Variants in UNC79 observed in about 807,000 individuals in gnomAD.
UNC79 encodes unc-79 subunit of NALCN channel complex.
In UNC79, 37 loss-of-function variants were observed where a neutral mutation model predicts 283.1. The observed-to-expected ratio is 0.13, with a 90% CI of 0.10 to 0.17. The LOEUF (loss-of-function observed/expected upper bound fraction) is 0.17. UNC79 is among the 10% of genes least tolerant of loss of function. UNC79 has a pLI of 1.00. For missense variants in UNC79, 2,272 were observed against 3,211.1 expected (o/e 0.71, Z 7.07); for synonymous variants, 1,107 against 1,200.2 (o/e 0.92, Z 1.61).
At chr14:93,554,570 G>A (rs1240937305) in intron 14 of UNC79, among the ~76,000 whole-genome samples, 1 of 152,048 alleles carries the variant, frequency 6.6e-6, no homozygotes, top group African/African-American at 2.4e-5. Context: ...GCAGATAAAT[G>A]CTCCAGGAAA....
intron 1 of UNC79, among the ~76,000 whole-genome samples, chr14:93,464,308 T>A (rs907961209): frequency 6.6e-6 from 1 of 152,184 alleles, no homozygotes; most frequent in Non-Finnish European, 1.5e-5. Context: ...TGTTGGCAGG[T>A]TTGGTTTCTC....
chr14:93,592,602 AC>A (rs1192094934), intron 22 of UNC79, among the ~76,000 whole-genome samples: 1 of 152,176 alleles, frequency 6.6e-6, no homozygotes, highest in Non-Finnish European at 1.5e-5. Context: ...GTATAAGTGG[AC>A]CTGTACAGTT....
At chr14:93,522,577 CTT>C (rs1012782053) in intron 7 of UNC79, among the ~76,000 whole-genome samples, 1 of 152,086 alleles carries the variant, frequency 6.6e-6, no homozygotes. Context: ...TGTTACAACT[CTT>C]TATATTCAGC....
At chr14:93,623,216 G>T (rs1254563683) in intron 30 of UNC79, among the ~76,000 whole-genome samples, 1 of 152,118 alleles carries the variant, frequency 6.6e-6, no homozygotes, top group Non-Finnish European at 1.5e-5. Flanking sequence ...CCCTGTACTA[G>T]TGAGCTATGA....
At chr14:93,405,374 A>G (rs1327784481) in intron 1 of UNC79, among the ~76,000 whole-genome samples, 2 of 152,176 alleles carry the variant, frequency 1.3e-5, no homozygotes, top group Admixed American at 6.5e-5. Context: ...TGTGAATGTT[A>G]TATCAATAAC....
At chr14:93,388,612 C>T (rs1245015718) in intron 1 of UNC79, among the ~76,000 whole-genome samples, 2 of 152,186 alleles carry the variant, frequency 1.3e-5, no homozygotes, top group Non-Finnish European at 2.9e-5. Context: ...GTCCATTACT[C>T]TGCATCTTCA....
intron 4 of UNC79, among the ~76,000 whole-genome samples, chr14:93,478,859 T>A (rs1035212222): frequency 6.6e-6 from 1 of 152,220 alleles, no homozygotes; most frequent in African/African-American, 2.4e-5. Context: ...TAACCATATA[T>A]ATCTTTTGAG....
chr14:93,363,886 T>A (rs1323078239), intron 1 of UNC79, among the ~76,000 whole-genome samples: 1 of 151,714 alleles, frequency 6.6e-6, no homozygotes, highest in South Asian at 2.1e-4. Context: ...ACCCAGCTAA[T>A]TTTTTTTGTA....
chr14:93,659,482 A>G lies in UNC79; in HGVS notation c.6525+221A>G, dbSNP rs115129810. The stretch of plus-strand genomic sequence containing the variant: ...TAACTGGTCCTGCTAACCCTGGGCC[A>G]TGCCCCCCAATCCATCCCCCATACT... On this transcript the variant is annotated intron_variant, in intron 39 of 48. Transcript: ENST00000555664. Among the ~76,000 whole-genome samples, 686 of 152,290 alleles carry G rather than the reference A, an allele frequency of 4.5e-3. 3 individuals carry two copies. Among genetic ancestry groups the G allele is most frequent in the African/African-American group, 0.016 (655 of 41,564 alleles).
chr14:93,539,212 A>AT (rs111725860), intron 12 of UNC79, among the ~76,000 whole-genome samples: 1,478 of 143,498 alleles, frequency 0.01, 11 homozygotes, highest in Admixed American at 0.016. Context: ...TCCAGGCAAG[A>AT]TTTTTTTTTT....
intron 1 of UNC79, among the ~76,000 whole-genome samples, chr14:93,345,692 A>C (rs1472683502): frequency 6.6e-6 from 1 of 152,156 alleles, no homozygotes; most frequent in Admixed American, 6.6e-5. Flanking sequence ...ACCCGCTAAG[A>C]AGGGCCAGTG....
At chr14:93,679,310 T>C (rs2073631477) in intron 41 of UNC79, among the ~76,000 whole-genome samples, 1 of 152,080 alleles carries the variant, frequency 6.6e-6, no homozygotes, top group African/African-American at 2.4e-5. Context: ...AATACAAAAA[T>C]TAGCTGGATG....
intron 20 of UNC79, among the ~76,000 whole-genome samples, chr14:93,583,779 T>G (rs997226586): frequency 6.6e-6 from 1 of 151,186 alleles, no homozygotes; most frequent in Admixed American, 6.6e-5. Context: ...TGCTCCAACT[T>G]ACTCTCTTTC....
At chr14:93,518,911 C>T (rs368657422) in intron 7 of UNC79, among the ~76,000 whole-genome samples, 1 of 151,882 alleles carries the variant, frequency 6.6e-6, no homozygotes, top group Non-Finnish European at 1.5e-5. Context: ...TATGATGTAG[C>T]TCCATCTAAA....
Position 93,617,068 on chromosome 14 carries a change from C to A in UNC79, c.4042-54C>A. Reference sequence around the variant, plus strand: ...GATGGCTCAAATTTTTCCTTTTGACCTCTGAGTGTTCTTTGTAGTTTTCCA... The same window carrying A: ...GATGGCTCAAATTTTTCCTTTTGACATCTGAGTGTTCTTTGTAGTTTTCCA... On this transcript the variant is annotated intron_variant, in intron 27 of 48. Transcript: ENST00000555664. The surrounding 1 kb of genome is among the most constrained non-coding windows in gnomAD (Gnocchi z 4.5). 2 of 1,510,238 alleles carry A rather than the reference C, an allele frequency of 1.3e-6. No homozygotes were observed. Among genetic ancestry groups the A allele is most frequent in the South Asian group, 1.4e-5 (1 of 73,358 alleles). 93.6% of individuals were successfully genotyped at this position (1,510,238 alleles called of 1,614,324 possible). A position where few individuals can be genotyped will look rare whatever the true frequency, so the allele number is the denominator to read the frequency against.
chr14:93,413,028 C>G (rs895611541), intron 1 of UNC79, among the ~76,000 whole-genome samples: 2 of 151,944 alleles, frequency 1.3e-5, no homozygotes, highest in Non-Finnish European at 1.5e-5. Flanking sequence ...GTAGACAACT[C>G]TTATTTTTTT....
At chr14:93,336,424 C>T (rs560516534) in intron 1 of UNC79, among the ~76,000 whole-genome samples, 1 of 152,276 alleles carries the variant, frequency 6.6e-6, no homozygotes, top group East Asian at 1.9e-4. Flanking sequence ...TCAGTGCAAC[C>T]TCCGCCTCCT....
At chr14:93,446,546 C>T (rs1309848710) in intron 1 of UNC79, among the ~76,000 whole-genome samples, 1 of 152,122 alleles carries the variant, frequency 6.6e-6, no homozygotes, top group Non-Finnish European at 1.5e-5. Context: ...CAGGCACCCG[C>T]CACCATGCTT....
At chr14:93,680,908 G>A (rs1566914341) in intron 41 of UNC79, among the ~76,000 whole-genome samples, 1 of 152,166 alleles carries the variant, frequency 6.6e-6, no homozygotes, top group African/African-American at 2.4e-5. Context: ...CACTGTGTAC[G>A]TCTATCAAAT....
Sources: allele counts gnomAD v4.1 joint callset (sites outside exome capture counted in the v4.1 genomes callset), GRCh38; gene constraint gnomAD v4.1.1; non-coding constraint Gnocchi (gnomAD v3.1); transcripts MANE v1.5; gene names NCBI Gene and HGNC (gene_info 2026-07-23, HGNC 2026-07-21).